Variants in PCDHGB2 observed in about 807,000 individuals in gnomAD.
PCDHGB2 encodes protocadherin gamma subfamily B, 2.
In PCDHGB2, 55 loss-of-function variants were observed where a neutral mutation model predicts 59.3. The ratio of observed to expected loss-of-function variants is 0.93; its 90% CI spans 0.75 to 1.16. The LOEUF is 1.16. PCDHGB2 is among the 50% of genes most tolerant of loss of function. The pLI is 0.00. For missense variants in PCDHGB2, 1,228 were observed against 1,198.5 expected, an observed-to-expected ratio of 1.02 and a Z score of -0.36; for synonymous variants, 516 against 512.0, an observed-to-expected ratio of 1.01 and a Z score of -0.11.
intron 1 of PCDHGB2, chr5:141,420,319 G>A (rs1393746531): frequency 7.0e-7 from 1 of 1,437,540 alleles, no homozygotes; most frequent in Non-Finnish European, 9.4e-7. Flanking sequence ...ATTACAATAT[G>A]CCAATATATT....
Position 141,362,035 on chromosome 5 carries a change from G to T in PCDHGB2, c.1900G>T (p.Asp634Tyr), listed in dbSNP as rs1246386759. The T allele has an allele frequency of 1.2e-6, 2 of 1,609,742 alleles. No individual in the cohort carries two copies. Among genetic ancestry groups the T allele is most frequent in the African/African-American group, 1.3e-5 (1 of 74,988 alleles). ...GGTGCGCACAGCGCGTGCCTTGGGC[G>T]ACAGGGACGCGGCCCGCCAGCGCCT... Reference protein sequence around the residue: ...GEVRTARALGDRDAARQRLLV... With the variant: ...GEVRTARALGYRDAARQRLLV... Residue 634 changes from aspartate to tyrosine, a missense_variant, in exon 1 of 4, where the codon GAC becomes TAC. Physicochemically the swap from Asp to Tyr is radical, Grantham distance 160. Coordinates refer to ENST00000522605, the MANE Select transcript of PCDHGB2 (RefSeq NM_018923.3).
At chr5:141,409,522 G>C in intron 1 of PCDHGB2, 4 of 1,613,992 alleles carry the variant, frequency 2.5e-6, no homozygotes, top group Non-Finnish European at 3.4e-6. Context: ...GCATCACCTT[G>C]TATGTCGCTG....
intron 1 of PCDHGB2, among the ~76,000 whole-genome samples, chr5:141,483,094 G>C (rs1304382782): frequency 6.6e-6 from 1 of 152,058 alleles, no homozygotes; most frequent in African/African-American, 2.4e-5. Context: ...CAAAAAAAAA[G>C]TGTGCGTGTA....
rs1156915249 is a variant in PCDHGB2, at chr5:141,426,840, G to C, written c.2421+64284G>C. 8.8e-6 allele frequency: 4 copies of C among 456,584 alleles called. No individual in the cohort carries two copies. In the East Asian group the frequency reaches 2.8e-4, roughly 32 times the overall value. The allele number at this position is 456,584 out of a possible 1,614,324, so 28.3% of individuals were successfully genotyped here. A position where few individuals can be genotyped will look rare whatever the true frequency, so the allele number is the denominator to read the frequency against. On this transcript the variant is annotated intron_variant, in intron 1 of 3. Transcript: ENST00000522605. Reference sequence around the variant, plus strand: ...CTCTCTGATGATGGACAAGACTAAAGGCAAGAACGCTCCAGAATTAGTGCT... The same window carrying C: ...CTCTCTGATGATGGACAAGACTAAACGCAAGAACGCTCCAGAATTAGTGCT...
chr5:141,494,323 A>T (rs1188768690), intron 1 of PCDHGB2, among the ~76,000 whole-genome samples: 1 of 152,210 alleles, frequency 6.6e-6, no homozygotes, highest in Non-Finnish European at 1.5e-5. Flanking sequence ...CCTGGCACCA[A>T]AAGGGTTACC....
chr5:141,438,895 A>C (rs2098073582), intron 1 of PCDHGB2, among the ~76,000 whole-genome samples: 1 of 151,640 alleles, frequency 6.6e-6, no homozygotes, highest in Non-Finnish European at 1.5e-5. Flanking sequence ...TGAACTCCTG[A>C]CCTCAGGTGA....
intron 1 of PCDHGB2, chr5:141,386,080 T>C (rs752371819): frequency 1.3e-5 from 2 of 152,248 alleles, no homozygotes; most frequent in Non-Finnish European, 2.9e-5. Flanking sequence ...GTTTTAGTGG[T>C]ACAGCCAGAT....
rs757157488 is a variant in PCDHGB2 at position 141,477,668 on chromosome 5, A to G, written c.2422-17139A>G. ...TTTCACAATAAATCGTGACAATGGC[A>G]TAGTGTCATCCTTAGTGCCCCTAGA... On this transcript the variant is annotated intron_variant, in intron 1 of 3. Coordinates refer to ENST00000522605, the MANE Select transcript of PCDHGB2 (RefSeq NM_018923.3). The surrounding 1 kb of genome is among the most constrained non-coding windows in gnomAD (Gnocchi z 4.9). 10 of 1,614,104 alleles carry G rather than the reference A, an allele frequency of 6.2e-6. No individual in the cohort carries two copies. Among genetic ancestry groups the G allele is most frequent in the Non-Finnish European group, 8.5e-6 (10 of 1,180,046 alleles).
rs561548499 is a variant in PCDHGB2, at chr5:141,414,930, C to T, written c.2421+52374C>T. On this transcript the variant is annotated intron_variant, in intron 1 of 3. Coordinates refer to ENST00000522605, the MANE Select transcript of PCDHGB2 (RefSeq NM_018923.3). ...CAGGCGTGGAGCTGGCGCCCCGCTC[C>T]GCAGAGCCCGGCTACCTGGTGACCA... 1.9e-6 allele frequency: 3 copies of T among 1,614,156 alleles called. No homozygotes were observed. The South Asian group carries it at 3.3e-5, about 18-fold the overall frequency.
chr5:141,364,658 G>A, intron 1 of PCDHGB2: 1 of 1,614,020 alleles, frequency 6.2e-7, no homozygotes, highest in South Asian at 1.1e-5. Context: ...TAACATCTTG[G>A]TTGAGAACAA....
chr5:141,394,535 C>T, intron 1 of PCDHGB2: 1 of 1,614,210 alleles, frequency 6.2e-7, no homozygotes, highest in Non-Finnish European at 8.5e-7. Flanking sequence ...GTTCCACTGG[C>T]GTGGAGCTGG....
intron 1 of PCDHGB2, chr5:141,366,543 C>T (rs1287231126): frequency 6.8e-6 from 11 of 1,614,124 alleles, no homozygotes; most frequent in Non-Finnish European, 8.5e-6. Context: ...GTGCCCGCCT[C>T]GCACTTTGTG....
chr5:141,421,538 T>A, intron 1 of PCDHGB2: 2 of 1,614,028 alleles, frequency 1.2e-6, no homozygotes, highest in Non-Finnish European at 1.7e-6. Context: ...TCCTCCTGTT[T>A]TTTAAATATG....
At chr5:141,458,438 C>T (rs2098945825) in intron 1 of PCDHGB2, among the ~76,000 whole-genome samples, 1 of 152,024 alleles carries the variant, frequency 6.6e-6, no homozygotes, top group Non-Finnish European at 1.5e-5. Flanking sequence ...GAGGAGGTCC[C>T]CCACATTAAC....
intron 1 of PCDHGB2, chr5:141,405,487 T>G (rs750718741): frequency 4.3e-6 from 4 of 924,990 alleles, no homozygotes; most frequent in Non-Finnish European, 6.4e-6. Context: ...TGGTGTGATC[T>G]CGGCTCATTG....
At chr5:141,367,332 A>T (rs957450702) in intron 1 of PCDHGB2, 3 of 152,294 alleles carry the variant, frequency 2.0e-5, no homozygotes, top group African/African-American at 4.8e-5. Flanking sequence ...AGGTCAGGAG[A>T]TCGAGACCAT....
chr5:141,362,532 T>C lies in PCDHGB2; in HGVS notation c.2397T>C (p.Pro799=). 1 of 1,613,846 alleles carries C rather than the reference T, an allele frequency of 6.2e-7. No homozygotes were observed. The highest frequency in any genetic ancestry group is 8.5e-7 in the Non-Finnish European group (1 of 1,179,822). The change falls in exon 1 of 4, where the codon CCT becomes CCC. Residue 799 remains proline (P), a synonymous_variant. Transcript: ENST00000522605. ...CAAATCATGGAGCCGCTGGGGTCCCTTTTGCCTCAGATACTATTTTGAAGG... is the reference window on the plus strand; with the variant it reads ...CAAATCATGGAGCCGCTGGGGTCCCCTTTGCCTCAGATACTATTTTGAAGG... The part of the protein sequence containing the change: ...QNTNHGAAGV[P]FASDTILKQA...
At chr5:141,497,849 T>G (rs1337258582) in intron 2 of PCDHGB2, among the ~76,000 whole-genome samples, 1 of 152,192 alleles carries the variant, frequency 6.6e-6, no homozygotes, top group African/African-American at 2.4e-5. Flanking sequence ...ACAAACATTT[T>G]TGATTCAGCG....
Position 141,418,052 on chromosome 5 carries a change from G to A in PCDHGB2, c.2421+55496G>A, listed in dbSNP as rs202112422. 1.2e-3 allele frequency: 1,918 copies of A among 1,613,866 alleles called. 6 individuals are homozygous for A. Among genetic ancestry groups the A allele is most frequent in the East Asian group, 2.1e-3 (96 of 44,758 alleles). On this transcript the variant is annotated intron_variant, in intron 1 of 3. Coordinates refer to ENST00000522605, the MANE Select transcript of PCDHGB2 (RefSeq NM_018923.3). ...TAGTGTCCTGGATGTGTCGGCTCGC[G>A]AGCTGCGAGTGAGCGCGGAGAAGCT...
Sources: gnomAD v4.1 joint callset for allele counts (sites outside exome capture counted in the v4.1 genomes callset) on GRCh38, gnomAD v4.1.1 for gene constraint, Gnocchi (gnomAD v3.1) non-coding constraint, MANE v1.5 for transcripts, NCBI Gene and HGNC (gene_info 2026-07-23, HGNC 2026-07-21) for gene names.